Variants in MGAT4C observed in about 807,000 individuals in gnomAD.
The protein encoded by MGAT4C is alpha-1,3-mannosyl-glycoprotein 4-beta-N-acetylglucosaminyltransferase C.
MGAT4C carries 19 observed loss-of-function variants against 40.1 expected under a neutral mutation model. The ratio of observed to expected loss-of-function variants is 0.47; its 90% CI spans 0.33 to 0.70. The LOEUF (loss-of-function observed/expected upper bound fraction) is 0.70. MGAT4C is among the 30% of genes least tolerant of loss of function. MGAT4C has a pLI of 0.02. For synonymous variants in MGAT4C, 181 were observed against 187.1 expected (o/e 0.97, Z 0.27); for missense variants, 491 against 563.2 (o/e 0.87, Z 1.30).
chr12:86,222,149 A>G (rs1413449155), intron 1 of MGAT4C, among the ~76,000 whole-genome samples: 1 of 152,184 alleles, frequency 6.6e-6, no homozygotes, highest in East Asian at 1.9e-4. Flanking sequence ...CTGAGAAAGA[A>G]AAGTATGAGG....
At chr12:86,013,670 A>G (rs1275277624) in intron 2 of MGAT4C, 1 of 910,648 alleles carries the variant, frequency 1.1e-6, no homozygotes, top group Non-Finnish European at 1.3e-6. Context: ...ACCATTTAAT[A>G]CTGGTCCTAC....
chr12:86,592,689 C>A lies in MGAT4C; in HGVS notation c.-229+134520G>T, dbSNP rs527601378. ...GCTAGTGAACCACTCTAGTGAGTCA[C>A]TGGCCTCTATTCTTTAGACTGGGGT... On this transcript the variant is annotated intron_variant, in intron 2 of 7. Transcript: ENST00000548651. Among the ~76,000 whole-genome samples, 4 of 152,250 alleles carry A rather than the reference C, an allele frequency of 2.6e-5. No homozygotes were observed. The East Asian group carries it at 7.8e-4, about 30-fold the overall frequency.
intron 2 of MGAT4C, among the ~76,000 whole-genome samples, chr12:86,562,770 A>G (rs1959930758): frequency 6.6e-6 from 1 of 152,150 alleles, no homozygotes; most frequent in African/African-American, 2.4e-5. Flanking sequence ...AATCTGGAGA[A>G]CACCCATAGG....
intron 2 of MGAT4C, among the ~76,000 whole-genome samples, chr12:86,667,220 T>C (rs1173799365): frequency 6.6e-6 from 1 of 152,102 alleles, no homozygotes; most frequent in African/African-American, 2.4e-5. Context: ...GTAGATTAAC[T>C]AAGAATGAAA....
At chr12:86,771,722 G>GTA (rs969948638) in intron 1 of MGAT4C, among the ~76,000 whole-genome samples, 1 of 119,890 alleles carries the variant, frequency 8.3e-6, no homozygotes, top group African/African-American at 3.2e-5. Context: ...GTGTGTGTGT[G>GTA]TATGTGTGTG....
chr12:86,447,595 A>G (rs375807041), intron 2 of MGAT4C, among the ~76,000 whole-genome samples: 1 of 152,178 alleles, frequency 6.6e-6, no homozygotes, highest in African/African-American at 2.4e-5. Context: ...AAAATAAGTT[A>G]GAGAGTAAAA....
At chr12:86,628,437 A>G (rs1013385790) in intron 2 of MGAT4C, among the ~76,000 whole-genome samples, 1 of 150,658 alleles carries the variant, frequency 6.6e-6, no homozygotes, top group African/African-American at 2.5e-5. Context: ...CCCAAGACAC[A>G]TAATTGTCAG....
At chr12:86,049,607 A>G in intron 2 of MGAT4C, 67 bp downstream of exon 2, 1 of 797,396 alleles carries the variant, frequency 1.3e-6, no homozygotes, top group Non-Finnish European at 1.5e-6. Flanking sequence ...CTTATTAAAT[A>G]TTTTTGATAA....
intron 1 of MGAT4C, among the ~76,000 whole-genome samples, chr12:86,251,741 G>A (rs1416699078): frequency 6.6e-6 from 1 of 151,860 alleles, no homozygotes; most frequent in African/African-American, 2.4e-5. Flanking sequence ...CAAATGTTAG[G>A]AGATACCCTT....
At chr12:86,722,963 AG>A (rs1950760759) in intron 2 of MGAT4C, among the ~76,000 whole-genome samples, 1 of 152,196 alleles carries the variant, frequency 6.6e-6, no homozygotes, top group Non-Finnish European at 1.5e-5. Context: ...TGTTAAACCC[AG>A]GTGTCGTCCT....
At chr12:86,438,338 AG>A (rs1240866475) in intron 2 of MGAT4C, among the ~76,000 whole-genome samples, 1 of 151,992 alleles carries the variant, frequency 6.6e-6, no homozygotes, top group African/African-American at 2.4e-5. Context: ...GAAGAAGAAA[AG>A]TTTGAAGCCA....
At chr12:86,576,932 T>C (rs1191063926) in intron 2 of MGAT4C, among the ~76,000 whole-genome samples, 1 of 151,986 alleles carries the variant, frequency 6.6e-6, no homozygotes, top group Non-Finnish European at 1.5e-5. Context: ...ATTGTAACGA[T>C]ATTGATTCTT....
In MGAT4C at chr12:86,648,482, C is replaced by A. The variant is rs368590507; in HGVS notation, c.-229+78727G>T. Among the ~76,000 whole-genome samples the A allele has an allele frequency of 5.9e-5, 9 of 151,824 alleles. No individual in the cohort carries two copies. In the East Asian group the frequency reaches 1.6e-3, roughly 26 times the overall value. On this transcript the variant is annotated intron_variant, in intron 2 of 7. Coordinates refer to the MGAT4C transcript ENST00000548651. ...TGGGGCTTTCATGGTGAAATTAATA[C>A]CCTTGTGAAAAAGAGGAGGAGTCAC...
chr12:86,153,582 A>T (rs1038878756), intron 1 of MGAT4C, among the ~76,000 whole-genome samples: 2 of 152,198 alleles, frequency 1.3e-5, no homozygotes, highest in Non-Finnish European at 2.9e-5. Context: ...GGGACCTGTA[A>T]CCTGCATGTG....
rs115322148 is a variant in MGAT4C, at chr12:86,749,958, C to T, written c.-261-22717G>A. 7.6e-3 allele frequency among the ~76,000 whole-genome samples: 1,150 copies of T among 151,836 alleles called. 11 individuals are homozygous for T. Among genetic ancestry groups the T allele is most frequent in the African/African-American group, 0.026 (1,095 of 41,486 alleles). ...GAGCAACTTTGGTCACCTTGAATCTCTGAAAGAATATCTCGCATATGGTTT... is the reference window on the plus strand; with the variant it reads ...GAGCAACTTTGGTCACCTTGAATCTTTGAAAGAATATCTCGCATATGGTTT... On this transcript the variant is annotated intron_variant, in intron 1 of 7. Coordinates refer to the MGAT4C transcript ENST00000548651.
rs139866995 is a variant in MGAT4C, at chr12:86,552,837, T to C, written c.-228-117572A>G. ...AACTATATCTCTCAATTTTAATGAC[T>C]TGCATCAAAAATATGTTTTAGGCTG... On this transcript the variant is annotated intron_variant, in intron 2 of 7. Coordinates refer to the MGAT4C transcript ENST00000548651. 6.3e-3 allele frequency among the ~76,000 whole-genome samples: 965 copies of C among 152,246 alleles called. 9 individuals are homozygous for C. The highest frequency in any genetic ancestry group is 0.022 in the African/African-American group (921 of 41,582).
At chr12:86,367,075 A>G (rs896833164) in intron 3 of MGAT4C, among the ~76,000 whole-genome samples, 1 of 152,192 alleles carries the variant, frequency 6.6e-6, no homozygotes, top group Admixed American at 6.5e-5. Flanking sequence ...TTGGTTATAG[A>G]GTAACTGACA....
chr12:86,730,882 T>G (rs886104014), intron 1 of MGAT4C, among the ~76,000 whole-genome samples: 1 of 152,146 alleles, frequency 6.6e-6, no homozygotes, highest in Non-Finnish European at 1.5e-5. Flanking sequence ...ATAGATGTTG[T>G]GCTTATTCTT....
intron 1 of MGAT4C, among the ~76,000 whole-genome samples, chr12:86,781,484 T>A (rs1951839812): frequency 6.6e-6 from 1 of 152,172 alleles, no homozygotes; most frequent in Admixed American, 6.5e-5. Flanking sequence ...TTTAACTACA[T>A]TATGGTAATA....
Sources: gnomAD v4.1 joint callset for allele counts (sites outside exome capture counted in the v4.1 genomes callset) on GRCh38, gnomAD v4.1.1 for gene constraint, MANE v1.5 for transcripts, NCBI Gene and HGNC (gene_info 2026-07-23, HGNC 2026-07-21) for gene names.